The following PTGER3 variants were observed in gnomAD, a reference collection of about 807,000 sequenced individuals.
PTGER3 encodes prostaglandin E receptor 3.
PTGER3 carries 22 observed loss-of-function variants against 34.7 expected under a neutral mutation model. That is an observed-to-expected ratio of 0.63 (90% confidence interval 0.45 to 0.91). The LOEUF is 0.91. Among genes scored for constraint, PTGER3 ranks in the 40% least tolerant of loss-of-function variants. PTGER3 has a pLI of 0.00. For missense variants in PTGER3, 468 were observed against 519.4 expected, an observed-to-expected ratio of 0.90 and a Z score of 0.96; for synonymous variants, 241 against 230.1, an observed-to-expected ratio of 1.05 and a Z score of -0.43.
chr1:70,982,481 C>T (rs903462360), intron 2 of PTGER3, among the ~76,000 whole-genome samples: 4 of 152,150 alleles, frequency 2.6e-5, no homozygotes, highest in Non-Finnish European at 4.4e-5. Context: ...ATATTGGTAG[C>T]TAAGCCATTC....
chr1:70,971,770 GA>G, intron 3 of PTGER3, 37 bp from the exon 4 acceptor site: 1 of 1,402,662 alleles, frequency 7.1e-7, no homozygotes, highest in Non-Finnish European at 9.8e-7. Flanking sequence ...AATAAGCATG[GA>G]TGGGGATTAT....
chr1:71,026,949 T>A (rs1204427500), intron 1 of PTGER3, among the ~76,000 whole-genome samples: 1 of 152,138 alleles, frequency 6.6e-6, no homozygotes, highest in East Asian at 1.9e-4. Flanking sequence ...CCTATGAGGA[T>A]CACAGGCTCC....
In PTGER3 at chr1:70,934,893, C is replaced by T. The variant is rs566438031; in HGVS notation, c.*23+18870G>A. Among the ~76,000 whole-genome samples, 116 of 152,186 alleles carry T rather than the reference C, an allele frequency of 7.6e-4. 2 individuals carry two copies. The highest frequency in any genetic ancestry group is 6.8e-4 in the Non-Finnish European group (46 of 68,000). On this transcript the variant is annotated intron_variant, in intron 4 of 4. Coordinates refer to the PTGER3 transcript ENST00000370931. ...GTTTATTACAAGACATAATGTCAGC[C>T]GTCGAAATGATTGCTTCCTCAAATT...
chr1:70,960,461 GA>G (rs996847698), intron 2 of PTGER3, among the ~76,000 whole-genome samples: 1 of 151,680 alleles, frequency 6.6e-6, no homozygotes, highest in Non-Finnish European at 1.5e-5. Flanking sequence ...TCCAAAAGGT[GA>G]AAAAAAAGTG....
chr1:71,002,098 T>TA (rs961654072), intron 2 of PTGER3: 8 of 151,470 alleles, frequency 5.3e-5, no homozygotes, highest in African/African-American at 1.9e-4. Context: ...CTAAAAACAA[T>TA]AAAAAATAAA....
At chr1:70,898,849 A>G (rs1304031244) in intron 4 of PTGER3, among the ~76,000 whole-genome samples, 1 of 152,206 alleles carries the variant, frequency 6.6e-6, no homozygotes. Context: ...AAAATCTCAA[A>G]AAAGGAGATA....
At chr1:70,877,096 G>C (rs1435524322) in intron 4 of PTGER3, among the ~76,000 whole-genome samples, 1 of 152,142 alleles carries the variant, frequency 6.6e-6, no homozygotes, top group African/African-American at 2.4e-5. Flanking sequence ...AGCATGGAAT[G>C]TTTTTACATT....
intron 4 of PTGER3, among the ~76,000 whole-genome samples, chr1:70,929,642 A>T (rs1198015334): frequency 4.6e-5 from 7 of 152,200 alleles, no homozygotes; most frequent in Non-Finnish European, 1.5e-5. Context: ...CCAAATTCCC[A>T]GAAGTTCCCA....
intron 2 of PTGER3, chr1:70,997,218 G>A (rs2100797686): frequency 1.3e-5 from 2 of 152,312 alleles, no homozygotes; most frequent in South Asian, 4.1e-4. Context: ...GATGCAGTGA[G>A]CAGAGATTGC....
At chr1:71,005,796 G>C in intron 2 of PTGER3, 2 of 907,440 alleles carry the variant, frequency 2.2e-6, no homozygotes, top group Non-Finnish European at 2.6e-6. Context: ...CTCACCCCAT[G>C]GCCTGTAGGT....
At chr1:71,040,799 A>G (rs1009560170) in intron 1 of PTGER3, among the ~76,000 whole-genome samples, 1 of 152,158 alleles carries the variant, frequency 6.6e-6, no homozygotes, top group African/African-American at 2.4e-5. Flanking sequence ...TGAAAGGGAA[A>G]TGCGGGGTAT....
chr1:70,991,124 A>G (rs867618492), intron 2 of PTGER3, among the ~76,000 whole-genome samples: 1 of 152,096 alleles, frequency 6.6e-6, no homozygotes. Flanking sequence ...ACTCACACAC[A>G]TACCATTAGA....
chr1:71,003,332 G>C (rs1357844260), intron 2 of PTGER3, among the ~76,000 whole-genome samples: 1 of 152,168 alleles, frequency 6.6e-6, no homozygotes, highest in Non-Finnish European at 1.5e-5. Context: ...ATATATCCTA[G>C]TATCATGAAG....
chr1:70,925,569 T>C lies in PTGER3; in HGVS notation c.*23+28194A>G, dbSNP rs1352520790. Among the ~76,000 whole-genome samples, 3 of 152,272 alleles carry C rather than the reference T, an allele frequency of 2.0e-5. No individual in the cohort carries two copies. The East Asian group carries it at 5.8e-4, about 29-fold the overall frequency. ...AATCATTTTTGATGTAGTCACTTAA[T>C]GGAATAAAATTTAATTCTGCAAAAA... On this transcript the variant is annotated intron_variant, in intron 4 of 4. Coordinates refer to the PTGER3 transcript ENST00000370931.
chr1:70,951,104 G>T (rs1490053638), downstream of PTGER3: 1 of 152,136 alleles, frequency 6.6e-6, no homozygotes, highest in Non-Finnish European at 1.5e-5. Context: ...GAAACTAAAT[G>T]CTAACTATCG....
chr1:70,986,942 A>C (rs532848334), intron 2 of PTGER3, among the ~76,000 whole-genome samples: 9 of 152,256 alleles, frequency 5.9e-5, no homozygotes, highest in African/African-American at 2.2e-4. Flanking sequence ...GAGACCAAAC[A>C]TCTGTAAGAG....
At chr1:70,868,132 C>T (rs767719152) in intron 4 of PTGER3, among the ~76,000 whole-genome samples, 2 of 152,018 alleles carry the variant, frequency 1.3e-5, no homozygotes, top group African/African-American at 4.8e-5. Flanking sequence ...TCCCCACTAC[C>T]TCCAATCTGT....
chr1:70,891,031 C>T (rs7547606), intron 4 of PTGER3, among the ~76,000 whole-genome samples: 5,301 of 152,288 alleles, frequency 0.035, 151 homozygotes, highest in East Asian at 0.12. Context: ...ACTCAACGTG[C>T]AAAACTCAGC....
At chr1:71,010,719 A>G (rs1572923131) in intron 2 of PTGER3, 1 of 985,098 alleles carries the variant, frequency 1.0e-6, no homozygotes, top group East Asian at 1.1e-4. Flanking sequence ...CTTTTCCAAA[A>G]TTTAGATTAG....
Sources: allele counts gnomAD v4.1 joint callset (sites outside exome capture counted in the v4.1 genomes callset), GRCh38; gene constraint gnomAD v4.1.1; transcripts MANE v1.5; gene names NCBI Gene and HGNC (gene_info 2026-07-23, HGNC 2026-07-21).